DYNC1H1: variants seen among roughly 807,000 people sequenced by gnomAD.
DYNC1H1 encodes the protein cytoplasmic dynein 1 heavy chain 1.
In DYNC1H1, 51 loss-of-function variants were observed where a neutral mutation model predicts 527.1. That is an observed-to-expected ratio of 0.10 (90% CI 0.08 to 0.12). DYNC1H1 has a LOEUF of 0.12. Among genes scored for constraint, DYNC1H1 ranks in the 10% least tolerant of loss-of-function variants. The pLI is 1.00. For missense variants in DYNC1H1, 2,771 were observed against 5,971.8 expected (o/e 0.46, Z 17.66); for synonymous variants, 2,189 against 2,278.8 (o/e 0.96, Z 1.12).
chr14:101,965,088 C>A lies in DYNC1H1; in HGVS notation c.256+141C>A. On this transcript the variant is annotated intron_variant, in intron 1 of 77. Transcript: ENST00000360184. This position sits in a 1 kb window ranked among gnomAD's most constrained non-coding sequence, Gnocchi z 4.1. ...TGACCCCTGGATGGGCAGAGCCCGG[C>A]GGCCGCAGACGTCCCGCCGGCCGGG... 3 of 895,920 alleles carry A rather than the reference C, an allele frequency of 3.3e-6. No homozygotes were observed. Among genetic ancestry groups the A allele is most frequent in the Non-Finnish European group, 4.7e-6 (3 of 639,670 alleles). 55.5% of individuals were successfully genotyped at this position (895,920 alleles called of 1,614,324 possible). A position where few individuals can be genotyped will look rare whatever the true frequency, so the allele number is the denominator to read the frequency against.
At position 101,983,127 on chromosome 14, in the gene DYNC1H1, T is replaced by A; in HGVS notation, c.1070T>A (p.Leu357His). 1 of 1,614,212 alleles carries A rather than the reference T, an allele frequency of 6.2e-7. No homozygotes were observed. The change falls in exon 6 of 78, where the codon CTT (leucine) becomes CAT (histidine). Residue 357 changes from leucine (L) to histidine (H), a missense_variant. Around this residue, in one of 32 missense-constraint regions of DYNC1H1, gnomAD observed 264 missense variants for 619.4 expected, o/e 0.43. Transcript: ENST00000360184. This position sits in a 1 kb window ranked among gnomAD's most constrained non-coding sequence, Gnocchi z 5.3. ...GAGCTGGACAAAATAAGACAGGCGC[T>A]TGTTGCCATTTTCACACATTTGAGA... ...ATELDKIRQA[L>H]VAIFTHLRKI...
At chr14:101,995,443 C>G in intron 15 of DYNC1H1, 143 bp downstream of exon 15, 1 of 1,093,066 alleles carries the variant, frequency 9.1e-7, no homozygotes. Context: ...AATGCTGTCT[C>G]TACTAAAAAT....
At chr14:102,048,863 C>A in intron 74 of DYNC1H1, 194 bp downstream of exon 74, 2 of 746,562 alleles carry the variant, frequency 2.7e-6, no homozygotes, top group Non-Finnish European at 4.2e-6. Context: ...ATTTGTTTTT[C>A]TTCTGTGCTG....
Position 102,002,989 on chromosome 14 carries a change from C to A in DYNC1H1, c.4883+24C>A, listed in dbSNP as rs1190736536. On this transcript the variant is annotated intron_variant, in intron 23 of 77. Transcript: ENST00000360184. This position sits in a 1 kb window ranked among gnomAD's most constrained non-coding sequence, Gnocchi z 4.4. ...AGGTAAGATCCTTGCTTTGACTTGGCCTGGAGTCAAGTTGAATTTCAGTTG... is the reference window on the plus strand; with the variant it reads ...AGGTAAGATCCTTGCTTTGACTTGGACTGGAGTCAAGTTGAATTTCAGTTG... 1 of 1,613,564 alleles carries A rather than the reference C, an allele frequency of 6.2e-7. No individual in the cohort carries two copies. Among genetic ancestry groups the A allele is most frequent in the Admixed American group, 1.7e-5 (1 of 60,012 alleles).
In DYNC1H1 at chr14:102,010,861, C is replaced by T. The variant is rs2048250990; in HGVS notation, c.6527C>T (p.Thr2176Ile). The T allele has an allele frequency of 1.9e-6, 3 of 1,614,146 alleles. No individual in the cohort carries two copies. The highest frequency in any genetic ancestry group is 2.2e-5 in the South Asian group (2 of 91,092). ...PGVQYHRGEMTALREELKKVC... is the reference protein window; with the variant it reads ...PGVQYHRGEMIALREELKKVC... ...GTCCAGTATCACAGGGGTGAGATGA[C>T]TGCCCTTCGAGAGGAGCTGAAGAAA... The change falls in exon 32 of 78, where the codon ACT (threonine) becomes ATT (isoleucine). Residue 2176 changes from threonine (T) to isoleucine (I), a missense_variant. Coordinates refer to ENST00000360184, the MANE Select transcript of DYNC1H1 (RefSeq NM_001376.5). The surrounding 1 kb of genome is among the most constrained non-coding windows in gnomAD (Gnocchi z 6.0).
Position 102,044,829 on chromosome 14 carries a change from G to C in DYNC1H1, c.13006+131G>C. On this transcript the variant is annotated intron_variant, in intron 72 of 77. Coordinates refer to ENST00000360184, the MANE Select transcript of DYNC1H1 (RefSeq NM_001376.5). The surrounding 1 kb of genome is among the most constrained non-coding windows in gnomAD (Gnocchi z 7.1). Reference sequence around the variant, plus strand: ...CCCAGGGCCCTCCCTGGTTATGCTGGGTGTGGCTCTGTCAGCCTCGGCCTT... The same window carrying C: ...CCCAGGGCCCTCCCTGGTTATGCTGCGTGTGGCTCTGTCAGCCTCGGCCTT... 1 of 1,085,126 alleles carries C rather than the reference G, an allele frequency of 9.2e-7. No individual in the cohort carries two copies. The highest frequency in any genetic ancestry group is 1.4e-6 in the Non-Finnish European group (1 of 737,884). The allele number at this position is 1,085,126 out of a possible 1,614,324, so 67.2% of individuals were successfully genotyped here.
At position 102,028,099 on chromosome 14, in the gene DYNC1H1, C is replaced by G. The variant is rs761750911; in HGVS notation, c.9426C>G (p.Ala3142=). 1 of 1,614,172 alleles carries G rather than the reference C, an allele frequency of 6.2e-7. No individual in the cohort carries two copies. Among genetic ancestry groups the G allele is most frequent in the Admixed American group, 1.7e-5 (1 of 60,024 alleles). The change falls in exon 48 of 78, where the codon GCC becomes GCG. Residue 3142 remains alanine (A), a synonymous_variant. Coordinates refer to ENST00000360184, the MANE Select transcript of DYNC1H1 (RefSeq NM_001376.5). ...KLPQPPSHRE[A]IVNSCVFVHQ... ...CGCAGCCACCATCCCATCGGGAAGC[C>G]ATTGTGAACAGCTGTGTGTTTGTTC...
At position 102,040,936 on chromosome 14, in the gene DYNC1H1, C is replaced by A. The variant is rs548733134; in HGVS notation, c.11941+263C>A. The A allele has an allele frequency of 9.3e-6, 5 of 540,516 alleles. No homozygotes were observed. The South Asian group carries it at 1.0e-4, about 11-fold the overall frequency. The allele number at this position is 540,516 out of a possible 1,614,324, so 33.5% of individuals were successfully genotyped here. A position where few individuals can be genotyped will look rare whatever the true frequency, so the allele number is the denominator to read the frequency against. ...TTGCACCACTGCACTCCAGCCTGGG[C>A]AGCAGACAGAGGCCTGTCTGTGAAT... is the stretch of plus-strand genomic sequence containing the variant. On this transcript the variant is annotated intron_variant, in intron 64 of 77. Coordinates refer to ENST00000360184, the MANE Select transcript of DYNC1H1 (RefSeq NM_001376.5).
intron 17 of DYNC1H1, 32 bp from the exon 18 acceptor site, chr14:102,000,254 A>C: frequency 6.2e-7 from 1 of 1,614,134 alleles, no homozygotes; most frequent in Non-Finnish European, 8.5e-7. Context: ...TTCTATTTCC[A>C]AAGTCAACTG....
rs2047646234 is a variant in DYNC1H1 at position 101,964,862 on chromosome 14, G to A, written c.171G>A (p.Glu57=). The part of the protein sequence containing the change: ...EAPAALEAAL[E]EKSALEQMRK... ...CGGCCGCGCTGGAGGCGGCGCTGGA[G>A]GAGAAGAGCGCCCTGGAGCAGATGC... Residue 57 remains glutamate, a synonymous_variant, in exon 1 of 78, where the codon GAG becomes GAA. Transcript: ENST00000360184. This position sits in a 1 kb window ranked among gnomAD's most constrained non-coding sequence, Gnocchi z 5.5. 1 of 1,597,926 alleles carries A rather than the reference G, an allele frequency of 6.3e-7. No homozygotes were observed. Among genetic ancestry groups the A allele is most frequent in the Non-Finnish European group, 8.5e-7 (1 of 1,173,200 alleles).
intron 5 of DYNC1H1, among the ~76,000 whole-genome samples, chr14:101,981,842 T>A (rs1051182808): frequency 6.6e-6 from 1 of 152,232 alleles, no homozygotes; most frequent in Non-Finnish European, 1.5e-5. Flanking sequence ...TGATTCCATG[T>A]CCTTAGTTAG....
At position 102,049,836 on chromosome 14, in the gene DYNC1H1, C is replaced by T; in HGVS notation, c.13638C>T (p.Thr4546=). ...LEELCLEVNV[T]TSQGATLDAC... ...AGCTCTGCCTGGAAGTCAACGTCAC[C>T]ACCTCACAGGGCGCCACCCTTGACG... The change falls in exon 76 of 78, where the codon ACC becomes ACT. Residue 4546 remains threonine (T), a synonymous_variant. Transcript: ENST00000360184. This position sits in a 1 kb window ranked among gnomAD's most constrained non-coding sequence, Gnocchi z 5.5. The T allele has an allele frequency of 1.9e-6, 3 of 1,613,920 alleles. No individual in the cohort carries two copies. The highest frequency in any genetic ancestry group is 2.5e-6 in the Non-Finnish European group (3 of 1,180,040).
rs772158466 is a variant in DYNC1H1 at position 101,964,729 on chromosome 14, C to T, written c.38C>T (p.Ser13Leu). ...GGGGGCGGCGGCGGCGAGGACGGCTCGGCCGGATTGGAAGTGTCGGCCGTG... is the reference window on the plus strand; with the variant it reads ...GGGGGCGGCGGCGGCGAGGACGGCTTGGCCGGATTGGAAGTGTCGGCCGTG... ...EPGGGGGEDG[S>L]AGLEVSAVQN... The change falls in exon 1 of 78, where the codon TCG (serine) becomes TTG (leucine). Residue 13 changes from serine (S) to leucine (L), a missense_variant. Physicochemically the swap from Ser to Leu is moderately radical, Grantham distance 145. Coordinates refer to ENST00000360184, the MANE Select transcript of DYNC1H1 (RefSeq NM_001376.5). The surrounding 1 kb of genome is among the most constrained non-coding windows in gnomAD (Gnocchi z 5.5). The T allele has an allele frequency of 1.8e-5, 28 of 1,596,968 alleles. No individual in the cohort carries two copies. The highest frequency in any genetic ancestry group is 1.1e-4 in the East Asian group (5 of 44,428).
intron 23 of DYNC1H1, among the ~76,000 whole-genome samples, chr14:102,003,796 G>C (rs1318067418): frequency 3.9e-5 from 6 of 152,060 alleles, no homozygotes; most frequent in African/African-American, 7.2e-5. Flanking sequence ...CATGATGGCA[G>C]CTGCCTATAA....
At position 102,012,512 on chromosome 14, in the gene DYNC1H1, T is replaced by G; in HGVS notation, c.7014+42T>G. ...ATGTCGTCAACTGAATAATTCCTTT[T>G]GGCCAACTAAACTTCGTGTGCTAGC... On this transcript the variant is annotated intron_variant, in intron 34 of 77. Transcript: ENST00000360184. The surrounding 1 kb of genome is among the most constrained non-coding windows in gnomAD (Gnocchi z 4.9). 1.2e-6 allele frequency: 2 copies of G among 1,614,048 alleles called. No individual in the cohort carries two copies. The highest frequency in any genetic ancestry group is 1.7e-6 in the Non-Finnish European group (2 of 1,179,982).
At chr14:101,995,419 G>A in intron 15 of DYNC1H1, 119 bp downstream of exon 15, 6 of 1,259,210 alleles carry the variant, frequency 4.8e-6, no homozygotes, top group Non-Finnish European at 6.9e-6. Flanking sequence ...AGACCATCCT[G>A]GCTAACACGG....
intron 64 of DYNC1H1, 175 bp downstream of exon 64, chr14:102,040,848 A>G: frequency 1.3e-6 from 1 of 740,820 alleles, no homozygotes; most frequent in Admixed American, 2.2e-5. Flanking sequence ...AGTCCCATCT[A>G]CTCGGGAGGC....
rs893299206 is a variant in DYNC1H1, at chr14:102,006,032, C to A, written c.5578C>A (p.Gln1860Lys). Reference protein sequence around the residue: ...QTDVLQQLSIQMANAKFNYGF... With the variant: ...QTDVLQQLSIKMANAKFNYGF... Reference sequence around the variant, plus strand: ...TGATGTGTTACAGCAGTTGTCAATTCAAATGGCAAATGCCAAATTTAACTA... The same window carrying A: ...TGATGTGTTACAGCAGTTGTCAATTAAAATGGCAAATGCCAAATTTAACTA... The change falls in exon 27 of 78, where the codon CAA (glutamine) becomes AAA (lysine). Residue 1860 changes from glutamine (Q) to lysine (K), a missense_variant. Coordinates refer to ENST00000360184, the MANE Select transcript of DYNC1H1 (RefSeq NM_001376.5). The A allele has an allele frequency of 6.8e-6, 11 of 1,614,124 alleles. No individual in the cohort carries two copies. The highest frequency in any genetic ancestry group is 1.6e-4 in the Middle Eastern group (1 of 6,084).
intron 7 of DYNC1H1, among the ~76,000 whole-genome samples, chr14:101,984,393 GCGTATATA>G (rs2047904121): frequency 7.9e-6 from 1 of 126,642 alleles, no homozygotes; most frequent in African/African-American, 3.3e-5. Context: ...ATATATATAT[GCGTATATA>G]TGTGTGTGTG....
Sources: gnomAD v4.1 joint callset for allele counts (sites outside exome capture counted in the v4.1 genomes callset) on GRCh38, gnomAD v4.1.1 for gene constraint, gnomAD v4.1.1 regional missense constraint, Gnocchi (gnomAD v3.1) non-coding constraint, MANE v1.5 for transcripts, NCBI Gene and HGNC (gene_info 2026-07-23, HGNC 2026-07-21) for gene names.